Variants in ARK2C observed in about 807,000 individuals in gnomAD.
ARK2C encodes the protein E3 ubiquitin-protein ligase ARK2C.
chr18:46,336,615 T>C, the ARK2C span: 3 of 985,464 alleles, frequency 3.0e-6, no homozygotes, highest in Non-Finnish European at 3.6e-6. Flanking sequence ...AGCTTAAATC[T>C]GTTCTTTTTA....
At chr18:46,461,239 G>A in the ARK2C span, 13 of 152,442 alleles carry the variant, frequency 8.5e-5, no homozygotes, top group African/African-American at 2.9e-4. Flanking sequence ...TGGGTGGGGT[G>A]AGTGAGGAGA....
the ARK2C span, among the ~76,000 whole-genome samples, chr18:46,383,274 C>G: frequency 6.6e-6 from 1 of 152,174 alleles, no homozygotes; most frequent in African/African-American, 2.4e-5. Context: ...GTCAAAATTT[C>G]AAAATGTGAA....
chr18:46,434,593 T>C, the ARK2C span, among the ~76,000 whole-genome samples: 4 of 152,216 alleles, frequency 2.6e-5, no homozygotes, highest in Non-Finnish European at 4.4e-5. Context: ...AATAGCCTTA[T>C]AGTATTATTA....
the ARK2C span, among the ~76,000 whole-genome samples, chr18:46,359,532 G>A: frequency 6.6e-6 from 1 of 152,198 alleles, no homozygotes; most frequent in Non-Finnish European, 1.5e-5. Flanking sequence ...GCTGACTGGT[G>A]GGGCTGGAGA....
At chr18:46,430,203 A>G in the ARK2C span, among the ~76,000 whole-genome samples, 4 of 152,134 alleles carry the variant, frequency 2.6e-5, no homozygotes, top group Non-Finnish European at 4.4e-5. Flanking sequence ...TTCTATTCTC[A>G]TACTTGATTA....
chr18:46,368,530 G>T, the ARK2C span, among the ~76,000 whole-genome samples: 1 of 152,218 alleles, frequency 6.6e-6, no homozygotes, highest in Non-Finnish European at 1.5e-5. Flanking sequence ...CCTGGGTTTT[G>T]TTCCCAGCTC....
the ARK2C span, among the ~76,000 whole-genome samples, chr18:46,378,145 C>T: frequency 6.6e-6 from 1 of 152,210 alleles, no homozygotes. Context: ...TCCATTAATG[C>T]TCCAAGGTAC....
the ARK2C span, among the ~76,000 whole-genome samples, chr18:46,430,889 C>T: frequency 3.3e-5 from 5 of 152,102 alleles, no homozygotes; most frequent in African/African-American, 9.7e-5. Context: ...CTCTGTTCCT[C>T]GAGTTCATTG....
the ARK2C span, among the ~76,000 whole-genome samples, chr18:46,343,291 T>C: frequency 1.3e-5 from 2 of 152,236 alleles, no homozygotes; most frequent in South Asian, 4.1e-4. Context: ...GGAATATGAC[T>C]TGAATAAACT....
chr18:46,342,668 C>T, the ARK2C span, among the ~76,000 whole-genome samples: 1 of 152,214 alleles, frequency 6.6e-6, no homozygotes. Context: ...TAATAGGTGT[C>T]CCCTTCCTGA....
the ARK2C span, among the ~76,000 whole-genome samples, chr18:46,448,176 GC>G: frequency 6.8e-6 from 1 of 146,598 alleles, no homozygotes; most frequent in Non-Finnish European, 1.5e-5. Flanking sequence ...CTGTGTCCTG[GC>G]CCCCTTATAT....
the ARK2C span, chr18:46,334,241 AGCCGCCGCC>A: frequency 5.7e-5 from 80 of 1,414,458 alleles, no homozygotes; most frequent in Non-Finnish European, 6.9e-5. This position sits in a 1 kb window ranked among gnomAD's most constrained non-coding sequence, Gnocchi z 4.4. Flanking sequence ...GCCCGCGCGC[AGCCGCCGCC>A]GCCGCCGCCG....
the ARK2C span, among the ~76,000 whole-genome samples, chr18:46,411,835 G>A: frequency 2.0e-5 from 3 of 152,362 alleles, no homozygotes; most frequent in African/African-American, 7.2e-5. Context: ...CTGGGGCTGA[G>A]CCGTGTATGT....
the ARK2C span, among the ~76,000 whole-genome samples, chr18:46,419,454 T>G: frequency 6.6e-6 from 1 of 152,118 alleles, no homozygotes; most frequent in Non-Finnish European, 1.5e-5. Context: ...ATTGGAAAGC[T>G]GAAGTCCAGA....
At chr18:46,359,912 C>T in the ARK2C span, among the ~76,000 whole-genome samples, 2 of 152,270 alleles carry the variant, frequency 1.3e-5, no homozygotes, top group Non-Finnish European at 2.9e-5. Context: ...TCTGAATGGA[C>T]AGATTTTAGT....
At chr18:46,358,677 C>T in the ARK2C span, among the ~76,000 whole-genome samples, 13 of 152,122 alleles carry the variant, frequency 8.5e-5, no homozygotes, top group East Asian at 1.9e-4. Flanking sequence ...CCAGAGCCTC[C>T]GGCCCTTACT....
At chr18:46,436,487 T>C in the ARK2C span, among the ~76,000 whole-genome samples, 1 of 152,220 alleles carries the variant, frequency 6.6e-6, no homozygotes, top group African/African-American at 2.4e-5. Flanking sequence ...AATCTATCAA[T>C]GGAAAAGAAT....
the ARK2C span, chr18:46,456,106 T>TCTCCC: frequency 1.5e-6 from 2 of 1,356,684 alleles, no homozygotes; most frequent in South Asian, 2.4e-5. Flanking sequence ...TTTGATTCCC[T>TCTCCC]CTCCCCTCTC....
At chr18:46,394,276 C>T in the ARK2C span, among the ~76,000 whole-genome samples, 2 of 152,206 alleles carry the variant, frequency 1.3e-5, no homozygotes, top group African/African-American at 4.8e-5. Flanking sequence ...AGCGAGAGCC[C>T]TGGCCTGGGA....
Sources: gnomAD v4.1 joint callset for allele counts (sites outside exome capture counted in the v4.1 genomes callset) on GRCh38, gnomAD v4.1.1 for gene constraint, Gnocchi (gnomAD v3.1) non-coding constraint, MANE v1.5 for transcripts, NCBI Gene and HGNC (gene_info 2026-07-23, HGNC 2026-07-21) for gene names.